HECW1: variants seen among roughly 807,000 people sequenced by gnomAD.
HECW1 encodes HECT, C2 and WW domain containing E3 ubiquitin protein ligase 1.
Under a neutral mutation model 182.3 loss-of-function variants are expected in HECW1, and 61 were observed. The ratio of observed to expected loss-of-function variants is 0.33; its 90% CI spans 0.27 to 0.41. The LOEUF (loss-of-function observed/expected upper bound fraction) is 0.41. HECW1 is among the 10% of genes least tolerant of loss of function. The pLI is 1.00. For synonymous variants in HECW1, 859 were observed against 832.6 expected (o/e 1.03, Z -0.55); for missense variants, 1,739 against 2,108.9 (o/e 0.82, Z 3.44).
intron 16 of HECW1, among the ~76,000 whole-genome samples, chr7:43,471,246 C>G (rs2078011438): frequency 6.6e-6 from 1 of 152,144 alleles, no homozygotes; most frequent in African/African-American, 2.4e-5. Flanking sequence ...TGGACCGTGT[C>G]TTACAGGTTT....
At position 43,308,070 on chromosome 7, in the gene HECW1, TA is replaced by T. The variant is rs1401580460; in HGVS notation, c.28-3690del. Among the ~76,000 whole-genome samples the T allele has an allele frequency of 1.4e-3, 152 of 109,564 alleles. 1 individual carries two copies. The highest frequency in any genetic ancestry group is 5.3e-3 in the African/African-American group (139 of 26,100). 71.9% of individuals were successfully genotyped at this position (109,564 alleles called of 152,430 possible). A position where few individuals can be genotyped will look rare whatever the true frequency, so the allele number is the denominator to read the frequency against. ...TATATATAATACAACATATAATATA[TA>T]AATATAATATATTATATATTATATA... On this transcript the variant is annotated intron_variant, in intron 3 of 29. Transcript: ENST00000395891.
Position 43,565,582 on chromosome 7 carries a change from T to A in HECW1, c.*3656T>A, listed in dbSNP as rs10638107. ...CTTTATTATTATTATTATTATTATT[T>A]TTATTATTATTATTATTACGTACTT... On this transcript the variant is annotated 3_prime_UTR_variant, in exon 30 of 30. Transcript: ENST00000395891. The A allele has an allele frequency of 0.15, 24,412 of 160,920 alleles. 2,378 individuals are homozygous for A. Among genetic ancestry groups the A allele is most frequent in the Non-Finnish European group, 0.22 (16,587 of 74,824 alleles). The allele number at this position is 160,920 out of a possible 1,614,324, so 10.0% of individuals were successfully genotyped here. A position where few individuals can be genotyped will look rare whatever the true frequency, so the allele number is the denominator to read the frequency against.
intron 8 of HECW1, among the ~76,000 whole-genome samples, chr7:43,424,688 T>A (rs1167662685): frequency 2.0e-5 from 3 of 152,128 alleles, no homozygotes. Context: ...GTTAAAAATA[T>A]CAGGAAATAT....
At chr7:43,202,583 C>T (rs1257270000) in intron 2 of HECW1, among the ~76,000 whole-genome samples, 2 of 151,534 alleles carry the variant, frequency 1.3e-5, no homozygotes, top group Non-Finnish European at 2.9e-5. Flanking sequence ...AAGCGATTAT[C>T]GTGCCTCAGC....
intron 4 of HECW1, among the ~76,000 whole-genome samples, chr7:43,314,946 C>A (rs1809006393): frequency 6.6e-6 from 1 of 152,154 alleles, no homozygotes; most frequent in Non-Finnish European, 1.5e-5. Flanking sequence ...AGTCACACAG[C>A]TGCCTCCCCT....
intron 3 of HECW1, among the ~76,000 whole-genome samples, chr7:43,307,663 T>C (rs1807754585): frequency 6.6e-6 from 1 of 152,030 alleles, no homozygotes; most frequent in South Asian, 2.1e-4. Context: ...GTCTATAGTA[T>C]ATGCTAGAAA....
intron 6 of HECW1, among the ~76,000 whole-genome samples, chr7:43,361,916 C>A (rs1469387976): frequency 7.2e-6 from 1 of 139,726 alleles, no homozygotes; most frequent in Non-Finnish European, 1.5e-5. Flanking sequence ...CCCAGGCAGG[C>A]GGATCACTTG....
intron 6 of HECW1, among the ~76,000 whole-genome samples, chr7:43,362,415 G>T (rs1015595162): frequency 2.4e-4 from 37 of 152,266 alleles, no homozygotes; most frequent in Middle Eastern, 6.8e-3. Context: ...GAGAGGGAGA[G>T]GCACATGTGC....
At position 43,343,283 on chromosome 7, in the gene HECW1, ATTATAC is replaced by A. The variant is rs1813254371; in HGVS notation, c.461-17600_461-17595del. Among the ~76,000 whole-genome samples the A allele has an allele frequency of 6.2e-5, 9 of 144,430 alleles. No individual in the cohort carries two copies. The East Asian group carries it at 1.8e-3, about 29-fold the overall frequency. 94.8% of individuals were successfully genotyped at this position (144,430 alleles called of 152,430 possible). ...AACAGTATTCTTTTTTTTTTTTTTA[ATTATAC>A]TTTAAGTTCTAGGGTACATGTGCAC... On this transcript the variant is annotated intron_variant, in intron 5 of 29. Transcript: ENST00000395891.
chr7:43,280,832 A>G (rs9648079), intron 3 of HECW1, among the ~76,000 whole-genome samples: 57,125 of 151,884 alleles, frequency 0.38, 15,103 homozygotes, highest in African/African-American at 0.75. Context: ...GGACAATAAC[A>G]CTCTTGCTCA....
intron 3 of HECW1, among the ~76,000 whole-genome samples, chr7:43,255,040 T>C (rs2152728625): frequency 6.6e-6 from 1 of 152,324 alleles, no homozygotes; most frequent in African/African-American, 2.4e-5. Flanking sequence ...ATTACAAGTT[T>C]AGAAGAGGAA....
At chr7:43,418,177 T>C (rs2076073276) in intron 8 of HECW1, among the ~76,000 whole-genome samples, 1 of 152,180 alleles carries the variant, frequency 6.6e-6, no homozygotes, top group Admixed American at 6.5e-5. Context: ...ACATCAGTCA[T>C]ACGGGATTAG....
chr7:43,273,824 C>T (rs1802731754), intron 3 of HECW1, among the ~76,000 whole-genome samples: 1 of 150,988 alleles, frequency 6.6e-6, no homozygotes, highest in Non-Finnish European at 1.5e-5. Flanking sequence ...CCCATTTTCC[C>T]TTAATATATG....
chr7:43,316,565 C>A (rs923325231), intron 4 of HECW1, among the ~76,000 whole-genome samples: 10 of 152,140 alleles, frequency 6.6e-5, no homozygotes, highest in Admixed American at 5.9e-4. Flanking sequence ...AATAAACTGC[C>A]TAAGATCACA....
chr7:43,327,961 A>ATATTATTATTAT lies in HECW1; in HGVS notation c.460+7238_460+7249dup, dbSNP rs4049927. 8.6e-3 allele frequency among the ~76,000 whole-genome samples: 1,258 copies of ATATTATTATTAT among 146,188 alleles called. 11 individuals carry two copies. The highest frequency in any genetic ancestry group is 0.029 in the African/African-American group (1,153 of 39,752). On this transcript the variant is annotated intron_variant, in intron 5 of 29. Coordinates refer to ENST00000395891, the MANE Select transcript of HECW1 (RefSeq NM_015052.5). ...ACTTTATGTAGTCTATGAACCATTT[A>ATATTATTATTAT]TATTATTATTATTATTATTATTATT...
chr7:43,234,180 A>T (rs369630439), intron 2 of HECW1, among the ~76,000 whole-genome samples: 3 of 151,632 alleles, frequency 2.0e-5, no homozygotes, highest in African/African-American at 7.3e-5. Context: ...CACCACCCAC[A>T]CCTCTCCCAC....
At chr7:43,219,372 T>A (rs1462001661) in intron 2 of HECW1, among the ~76,000 whole-genome samples, 1 of 152,082 alleles carries the variant, frequency 6.6e-6, no homozygotes, top group Non-Finnish European at 1.5e-5. Context: ...TTCCTCTCTG[T>A]CTGCCTAAAA....
intron 3 of HECW1, among the ~76,000 whole-genome samples, chr7:43,292,479 C>T (rs1046218534): frequency 1.3e-5 from 2 of 152,186 alleles, no homozygotes; most frequent in African/African-American, 2.4e-5. Context: ...CCAACTAATA[C>T]CCAGGGTCAC....
At chr7:43,232,789 C>G (rs1797997690) in intron 2 of HECW1, among the ~76,000 whole-genome samples, 1 of 152,206 alleles carries the variant, frequency 6.6e-6, no homozygotes, top group Non-Finnish European at 1.5e-5. Context: ...TAGGCTTTCA[C>G]CATCTCCAGA....
Sources: gnomAD v4.1 joint callset for allele counts (sites outside exome capture counted in the v4.1 genomes callset) on GRCh38, gnomAD v4.1.1 for gene constraint, MANE v1.5 for transcripts, NCBI Gene and HGNC (gene_info 2026-07-23, HGNC 2026-07-21) for gene names.